The following GULP1 variants were observed in gnomAD, a reference collection of about 807,000 sequenced individuals.
GULP1 encodes the protein GULP PTB domain containing engulfment adaptor 1.
A neutral mutation model predicts 40.9 loss-of-function variants in GULP1; 19 were observed. That is an observed-to-expected ratio of 0.46 (90% CI 0.32 to 0.68). The LOEUF (loss-of-function observed/expected upper bound fraction) is 0.68, where lower values mean the gene tolerates loss of function less well. Among genes scored for constraint, GULP1 ranks in the 30% least tolerant of loss-of-function variants. The pLI, the probability that GULP1 is intolerant of heterozygous loss-of-function variation, is 0.03. For missense variants in GULP1, 312 were observed against 362.2 expected (o/e 0.86, Z 1.12); for synonymous variants, 119 against 117.6 (o/e 1.01, Z -0.08).
At chr2:188,318,793 G>T (rs1202756911) in intron 1 of GULP1, among the ~76,000 whole-genome samples, 1 of 152,112 alleles carries the variant, frequency 6.6e-6, no homozygotes, top group East Asian at 1.9e-4. Context: ...CTGCAGAACT[G>T]CCTTTTAGCT....
At chr2:188,391,205 C>A in intron 2 of GULP1, among the ~76,000 whole-genome samples, 1 of 151,958 alleles carries the variant, frequency 6.6e-6, no homozygotes, top group Admixed American at 6.6e-5. Flanking sequence ...ACAGTATGGT[C>A]ATTTTCACAT....
intron 3 of GULP1, among the ~76,000 whole-genome samples, chr2:188,479,679 T>C (rs1053859251): frequency 1.3e-5 from 2 of 152,136 alleles, no homozygotes; most frequent in African/African-American, 4.8e-5. Context: ...TCTTTTTATA[T>C]ATATATGCTT....
intron 4 of GULP1, among the ~76,000 whole-genome samples, chr2:188,513,578 G>A (rs1450611684): frequency 6.6e-6 from 1 of 152,096 alleles, no homozygotes; most frequent in African/African-American, 2.4e-5. Context: ...TGAGGTAAAA[G>A]TTGATGCTTA....
chr2:188,482,047 T>C (rs922776491), intron 3 of GULP1, among the ~76,000 whole-genome samples: 1 of 151,930 alleles, frequency 6.6e-6, no homozygotes, highest in Non-Finnish European at 1.5e-5. Flanking sequence ...AAGCTTAGAA[T>C]GTATTGCTGT....
chr2:188,329,720 A>G (rs1273206789), intron 1 of GULP1, among the ~76,000 whole-genome samples: 1 of 152,160 alleles, frequency 6.6e-6, no homozygotes, highest in African/African-American at 2.4e-5. Flanking sequence ...AGATGGAAGC[A>G]GGGAGGCCAG....
At chr2:188,567,840 G>A (rs1221354959) in intron 7 of GULP1, among the ~76,000 whole-genome samples, 2 of 152,070 alleles carry the variant, frequency 1.3e-5, no homozygotes, top group Non-Finnish European at 2.9e-5. Context: ...GTTTTGAAAT[G>A]AGAAACAGAA....
intron 7 of GULP1, among the ~76,000 whole-genome samples, chr2:188,552,833 C>T (rs1420212022): frequency 6.7e-6 from 1 of 150,056 alleles, no homozygotes. Flanking sequence ...GAACTTTTAC[C>T]TCCTTGGTTA....
At chr2:188,481,150 T>G (rs139414553) in intron 3 of GULP1, among the ~76,000 whole-genome samples, 501 of 152,062 alleles carry the variant, frequency 3.3e-3, no homozygotes, top group Non-Finnish European at 5.3e-3. Flanking sequence ...AAGTCTTCAA[T>G]TTTGAGTTAG....
intron 4 of GULP1, among the ~76,000 whole-genome samples, chr2:188,496,506 G>A (rs1295558958): frequency 6.6e-6 from 1 of 151,860 alleles, no homozygotes; most frequent in Non-Finnish European, 1.5e-5. Context: ...GGGAAAAAAT[G>A]AGCAAGATTA....
intron 2 of GULP1, among the ~76,000 whole-genome samples, chr2:188,461,108 T>C (rs2059668187): frequency 1.3e-5 from 2 of 152,136 alleles, no homozygotes; most frequent in Admixed American, 1.3e-4. Flanking sequence ...ATTTTCTATT[T>C]ATGTATTTAT....
intron 2 of GULP1, among the ~76,000 whole-genome samples, chr2:188,397,913 T>C (rs72909575): frequency 0.012 from 1,855 of 152,338 alleles, 16 homozygotes; most frequent in East Asian, 0.022. Context: ...TGTCATCCCA[T>C]CTGTAGTGAG....
At chr2:188,447,768 C>A (rs935840257) in intron 2 of GULP1, among the ~76,000 whole-genome samples, 2 of 152,190 alleles carry the variant, frequency 1.3e-5, no homozygotes, top group African/African-American at 4.8e-5. Flanking sequence ...TCAGCACTCT[C>A]TGCAAATGAG....
chr2:188,358,281 A>G (rs939938316), intron 1 of GULP1, among the ~76,000 whole-genome samples: 1 of 152,208 alleles, frequency 6.6e-6, no homozygotes, highest in Non-Finnish European at 1.5e-5. Context: ...TCGGAAGCTC[A>G]AAAAGTTGTT....
intron 2 of GULP1, among the ~76,000 whole-genome samples, chr2:188,428,085 G>A (rs2056432539): frequency 6.6e-6 from 1 of 152,198 alleles, no homozygotes; most frequent in African/African-American, 2.4e-5. Flanking sequence ...AATATTTAAT[G>A]ACTGCCCTGC....
intron 2 of GULP1, among the ~76,000 whole-genome samples, chr2:188,419,121 T>G (rs1444815744): frequency 6.6e-6 from 1 of 152,214 alleles, no homozygotes; most frequent in African/African-American, 2.4e-5. Context: ...CACTGGACAT[T>G]TAGGTCCACC....
At chr2:188,539,281 A>G (rs1333462248) in intron 6 of GULP1, among the ~76,000 whole-genome samples, 2 of 152,006 alleles carry the variant, frequency 1.3e-5, no homozygotes, top group East Asian at 3.9e-4. Flanking sequence ...TTTTCTCTTT[A>G]TTTATCATTA....
intron 1 of GULP1, among the ~76,000 whole-genome samples, chr2:188,353,042 A>C (rs2044724139): frequency 6.6e-6 from 1 of 152,192 alleles, no homozygotes; most frequent in Non-Finnish European, 1.5e-5. Flanking sequence ...GCAAAAACTT[A>C]TGATAAACTA....
intron 2 of GULP1, among the ~76,000 whole-genome samples, chr2:188,433,463 T>C (rs1259422888): frequency 6.6e-6 from 1 of 152,030 alleles, no homozygotes; most frequent in African/African-American, 2.4e-5. Context: ...TCCTTTAGAA[T>C]GAACATCTGA....
intron 7 of GULP1, among the ~76,000 whole-genome samples, chr2:188,553,016 C>T (rs1693878260): frequency 1.3e-5 from 2 of 151,550 alleles, no homozygotes. Context: ...CAGAAATGCT[C>T]CTGATTTTTG....
Sources: gnomAD v4.1 joint callset for allele counts (sites outside exome capture counted in the v4.1 genomes callset) on GRCh38, gnomAD v4.1.1 for gene constraint, MANE v1.5 for transcripts, NCBI Gene and HGNC (gene_info 2026-07-23, HGNC 2026-07-21) for gene names.